TAF1A: variants seen among roughly 807,000 people sequenced by gnomAD.
TAF1A encodes the protein TATA-box binding protein associated factor, RNA polymerase I subunit A, also known as TATA box-binding protein-associated factor RNA polymerase I subunit A.
A neutral mutation model predicts 61.6 loss-of-function variants in TAF1A; 42 were observed. The ratio of observed to expected loss-of-function variants is 0.68; its 90% confidence interval spans 0.53 to 0.88. The LOEUF (loss-of-function observed/expected upper bound fraction) is 0.88. Ranked by LOEUF, TAF1A falls within the 40% of genes least tolerant of loss-of-function variation. The pLI is 0.00. For synonymous variants in TAF1A, 179 were observed against 177.7 expected (o/e 1.01, Z -0.06); for missense variants, 424 against 518.7 (o/e 0.82, Z 1.77).
chr1:222,571,748 CTG>C (rs1660361354), intron 5 of TAF1A, among the ~76,000 whole-genome samples: 1 of 152,136 alleles, frequency 6.6e-6, no homozygotes, highest in South Asian at 2.1e-4. Flanking sequence ...AAAAGACACT[CTG>C]TGTTCAGTTG....
chr1:222,585,620 G>A (rs1006353860), intron 2 of TAF1A, among the ~76,000 whole-genome samples: 7 of 151,988 alleles, frequency 4.6e-5, no homozygotes, highest in Non-Finnish European at 7.4e-5. Flanking sequence ...CCAACAACAC[G>A]TTTAATACAC....
intron 10 of TAF1A, among the ~76,000 whole-genome samples, chr1:222,560,929 A>T (rs1659888082): frequency 6.6e-6 from 1 of 152,130 alleles, no homozygotes; most frequent in Non-Finnish European, 1.5e-5. Context: ...TGCTAGTAGG[A>T]GGTATTCTTT....
downstream of TAF1A, among the ~76,000 whole-genome samples, chr1:222,555,741 T>C (rs1006731167): frequency 3.9e-5 from 6 of 152,170 alleles, no homozygotes; most frequent in African/African-American, 1.4e-4. Flanking sequence ...TACATAATGG[T>C]AATTATGTAG....
rs1571797682 is a variant in TAF1A, at chr1:222,564,104, A to G, written c.916T>C (p.Ser306Pro). 1 of 1,559,520 alleles carries G rather than the reference A, an allele frequency of 6.4e-7. No homozygotes were observed. The highest frequency in any genetic ancestry group is 1.1e-5 in the South Asian group (1 of 88,598). ...TGGAATTCCAACATCAATTTATGAG[A>G]TGGTACAATCTGATACAAAATCTGA... ...VLKILYQIVP[S>P]HKLMLEFHTL... The change falls in exon 8 of 11, where the codon TCT becomes CCT. Residue 306 changes from serine to proline, a missense_variant. Coordinates refer to ENST00000352967, the MANE Select transcript of TAF1A (RefSeq NM_005681.4).
rs760680845 is a variant in TAF1A, at chr1:222,561,493, C to T, written c.1111G>A (p.Glu371Lys). The T allele has an allele frequency of 3.1e-6, 5 of 1,608,954 alleles. No individual in the cohort carries two copies. The African/African-American group carries it at 5.4e-5, about 17-fold the overall frequency. ...MGNHLAWVQE[E>K]WNSRKNWWPG... ...CACCAGTTTTTCCTGGAGTTCCACT[C>T]TTCTTGAACCCACGCAAGGTGGTTT... The change falls in exon 10 of 11, where the codon GAG becomes AAG. Residue 371 changes from glutamate to lysine, a missense_variant. Transcript: ENST00000352967.
chr1:222,561,228 T>C (rs1157199679), intron 10 of TAF1A, 136 bp downstream of exon 10: 1 of 784,660 alleles, frequency 1.3e-6, no homozygotes, highest in Non-Finnish European at 1.9e-6. Context: ...GGATTCACTC[T>C]TCCATTGAGC....
chr1:222,569,648 A>G lies in TAF1A; in HGVS notation c.756T>C (p.Asp252=). The change falls in exon 7 of 11, where the codon GAT becomes GAC. Residue 252 remains aspartate, a synonymous_variant. Transcript: ENST00000352967. ...SYVEMLEFYG[D]RDGAQEVLTN... is the part of the protein sequence containing the mutation. ...TGAGTACCTCTTGGGCTCCATCTCGATCCCCATAGAATTCCAGCATCTATA... is the reference window on the plus strand; with the variant it reads ...TGAGTACCTCTTGGGCTCCATCTCGGTCCCCATAGAATTCCAGCATCTATA... 1 of 1,613,270 alleles carries G rather than the reference A, an allele frequency of 6.2e-7. No individual in the cohort carries two copies. The highest frequency in any genetic ancestry group is 1.3e-5 in the African/African-American group (1 of 74,982).
At chr1:222,580,810 T>C (rs963596972) in intron 3 of TAF1A, among the ~76,000 whole-genome samples, 1 of 150,460 alleles carries the variant, frequency 6.6e-6, no homozygotes, top group Admixed American at 6.6e-5. Flanking sequence ...TTATGATAGC[T>C]ATTCTCACCA....
intron 9 of TAF1A, among the ~76,000 whole-genome samples, chr1:222,562,816 T>C (rs1659967755): frequency 6.6e-6 from 1 of 152,164 alleles, no homozygotes; most frequent in Non-Finnish European, 1.5e-5. Context: ...GGAGGAAAGC[T>C]GCTTCCCATG....
intron 5 of TAF1A, among the ~76,000 whole-genome samples, chr1:222,571,944 T>C (rs1418767857): frequency 6.6e-6 from 1 of 152,128 alleles, no homozygotes; most frequent in Non-Finnish European, 1.5e-5. Context: ...TGGCCAGGCA[T>C]GGTGGCTCAC....
At chr1:222,584,587 G>C (rs961091167) in intron 2 of TAF1A, among the ~76,000 whole-genome samples, 17 of 152,222 alleles carry the variant, frequency 1.1e-4, no homozygotes, top group African/African-American at 4.1e-4. Flanking sequence ...AATTTGCGGA[G>C]AATCTCTCAA....
intron 10 of TAF1A, among the ~76,000 whole-genome samples, chr1:222,559,704 G>T (rs902704540): frequency 6.6e-6 from 1 of 151,802 alleles, no homozygotes; most frequent in African/African-American, 2.4e-5. Context: ...CTGAGATGGG[G>T]TCTCACTATG....
chr1:222,579,067 C>T (rs1660685549), intron 4 of TAF1A, among the ~76,000 whole-genome samples: 1 of 152,180 alleles, frequency 6.6e-6, no homozygotes, highest in African/African-American at 2.4e-5. Context: ...AGGCCATTCC[C>T]ATTTCCAATT....
intron 10 of TAF1A, among the ~76,000 whole-genome samples, chr1:222,560,081 G>C (rs571199634): frequency 1.6e-4 from 24 of 152,182 alleles, no homozygotes; most frequent in Non-Finnish European, 2.6e-4. Context: ...ACCCCTCCAA[G>C]GAGAAATGGG....
intron 7 of TAF1A, among the ~76,000 whole-genome samples, chr1:222,564,427 C>T (rs1660040963): frequency 6.6e-6 from 1 of 150,944 alleles, no homozygotes; most frequent in South Asian, 2.1e-4. Flanking sequence ...GTTTACCACG[C>T]TCAACAACTA....
At chr1:222,584,016 A>G (rs1040957584) in intron 3 of TAF1A, 112 bp downstream of exon 3, 3 of 1,272,762 alleles carry the variant, frequency 2.4e-6, no homozygotes, top group African/African-American at 3.1e-5. Context: ...AAGTAGTTTT[A>G]GTAGCTTTTA....
At chr1:222,556,224 G>GT (rs1333526387), downstream of TAF1A, among the ~76,000 whole-genome samples, 1 of 152,236 alleles carries the variant, frequency 6.6e-6, no homozygotes, top group Non-Finnish European at 1.5e-5. Context: ...CCTGTGCCCT[G>GT]TTTTGTCTTC....
At chr1:222,582,881 C>A (rs932250033) in intron 3 of TAF1A, among the ~76,000 whole-genome samples, 2 of 152,104 alleles carry the variant, frequency 1.3e-5, no homozygotes, top group Non-Finnish European at 2.9e-5. Flanking sequence ...TATGAAATGT[C>A]CAGAATAGAA....
downstream of TAF1A, among the ~76,000 whole-genome samples, chr1:222,556,925 G>T (rs975391454): frequency 1.3e-5 from 2 of 152,104 alleles, no homozygotes; most frequent in Admixed American, 1.3e-4. Context: ...CTACACAACC[G>T]AATTATGGAC....
Sources: allele counts gnomAD v4.1 joint callset (sites outside exome capture counted in the v4.1 genomes callset), GRCh38; gene constraint gnomAD v4.1.1; transcripts MANE v1.5; gene names NCBI Gene and HGNC (gene_info 2026-07-23, HGNC 2026-07-21).